The following TMPRSS11A variants were observed in gnomAD, a reference collection of about 807,000 sequenced individuals.
The protein encoded by TMPRSS11A is transmembrane serine protease 11A.
A neutral mutation model predicts 58.9 loss-of-function variants in TMPRSS11A; 53 were observed. The observed-to-expected ratio is 0.90, with a 90% CI of 0.72 to 1.13. The LOEUF is 1.13. TMPRSS11A is among the 50% of genes most tolerant of loss of function. The pLI, the probability that TMPRSS11A is intolerant of heterozygous loss-of-function variation, is 0.00. For missense variants in TMPRSS11A, 493 were observed against 499.3 expected (o/e 0.99, Z 0.12); for synonymous variants, 167 against 169.8 (o/e 0.98, Z 0.13).
chr4:67,918,762 A>C (rs970126334), intron 8 of TMPRSS11A, among the ~76,000 whole-genome samples: 6 of 152,164 alleles, frequency 3.9e-5, no homozygotes, highest in African/African-American at 1.4e-4. Context: ...TGACTTCCAA[A>C]TTACATGAGC....
intron 4 of TMPRSS11A, among the ~76,000 whole-genome samples, chr4:67,931,526 T>G (rs534389013): frequency 6.6e-6 from 1 of 152,294 alleles, no homozygotes; most frequent in Admixed American, 6.5e-5. Flanking sequence ...CAGGAATATC[T>G]TTTTGTTTAG....
chr4:67,940,586 G>A (rs1201149902), intron 3 of TMPRSS11A, among the ~76,000 whole-genome samples: 3 of 152,096 alleles, frequency 2.0e-5, no homozygotes, highest in African/African-American at 4.8e-5. Context: ...TGGTTGTAAT[G>A]TTACCTCTAT....
At chr4:67,962,868 C>T (rs1385479329) in intron 1 of TMPRSS11A, among the ~76,000 whole-genome samples, 5 of 152,154 alleles carry the variant, frequency 3.3e-5, no homozygotes, top group African/African-American at 1.2e-4. Context: ...AGCTTGTTTT[C>T]TCATTCTCCC....
At position 67,914,679 on chromosome 4, in the gene TMPRSS11A, T is replaced by A; in HGVS notation, c.1004A>T (p.Asp335Val). 6.2e-7 allele frequency: 1 copy of A among 1,613,456 alleles called. No homozygotes were observed. The highest frequency in any genetic ancestry group is 1.1e-5 in the South Asian group (1 of 90,984). The change falls in exon 9 of 10, where the codon GAT becomes GTT. Residue 335 changes from aspartate (D) to valine (V), a missense_variant. Physicochemically the swap from Asp to Val is radical, Grantham distance 152 (BLOSUM62 -3). Transcript: ENST00000508048. ...REARVKIISD[D>V]VCKQPQVYGN... ...ATACACCTGTGGTTGCTTGCAGACATCATCACTTATGATTTTCACTCTGGC... is the reference window on the plus strand; with the variant it reads ...ATACACCTGTGGTTGCTTGCAGACAACATCACTTATGATTTTCACTCTGGC...
intron 8 of TMPRSS11A, among the ~76,000 whole-genome samples, chr4:67,918,063 T>C (rs1266394802): frequency 6.6e-6 from 1 of 152,250 alleles, no homozygotes; most frequent in African/African-American, 2.4e-5. Flanking sequence ...AGGTTATTCC[T>C]AGTTCCTTAA....
chr4:67,944,380 C>T, intron 3 of TMPRSS11A, 139 bp downstream of exon 3: 2 of 956,544 alleles, frequency 2.1e-6, no homozygotes, highest in South Asian at 1.7e-5. Context: ...TTAAGCAGGT[C>T]TGGGATGGGG....
intron 2 of TMPRSS11A, among the ~76,000 whole-genome samples, 161 bp from the exon 3 acceptor site, chr4:67,944,798 G>C (rs1003764847): frequency 1.3e-5 from 2 of 151,892 alleles, no homozygotes; most frequent in Non-Finnish European, 2.9e-5. Flanking sequence ...AATTATAATA[G>C]CTGCCATTTA....
chr4:67,946,310 G>A (rs1720999449), intron 2 of TMPRSS11A, 140 bp downstream of exon 2: 2 of 766,328 alleles, frequency 2.6e-6, no homozygotes, highest in African/African-American at 3.6e-5. Context: ...TTGATGAAAT[G>A]ACTGAAACAG....
intron 7 of TMPRSS11A, among the ~76,000 whole-genome samples, chr4:67,920,230 C>T (rs1463584178): frequency 6.6e-6 from 1 of 151,990 alleles, no homozygotes; most frequent in Admixed American, 6.6e-5. Flanking sequence ...GTGTTTTATA[C>T]TTAAGGAAAA....
At chr4:67,953,131 G>A (rs1256866068) in intron 1 of TMPRSS11A, among the ~76,000 whole-genome samples, 2 of 152,254 alleles carry the variant, frequency 1.3e-5, no homozygotes, top group East Asian at 3.9e-4. Context: ...TGCCTCTGCT[G>A]ATCTAACAGG....
chr4:67,930,847 T>G (rs1720599171), intron 4 of TMPRSS11A, among the ~76,000 whole-genome samples: 1 of 83,250 alleles, frequency 1.2e-5, no homozygotes, highest in Non-Finnish European at 2.2e-5. Context: ...AAAAAAAAAC[T>G]GTGAAAAACT....
At chr4:67,937,343 CA>C (rs1720777594) in intron 3 of TMPRSS11A, among the ~76,000 whole-genome samples, 1 of 151,970 alleles carries the variant, frequency 6.6e-6, no homozygotes, top group Non-Finnish European at 1.5e-5. Flanking sequence ...CCTTCCTCAC[CA>C]AAAACTGATA....
intron 4 of TMPRSS11A, among the ~76,000 whole-genome samples, chr4:67,930,443 A>G (rs1720584110): frequency 6.6e-6 from 1 of 152,078 alleles, no homozygotes; most frequent in African/African-American, 2.4e-5. Flanking sequence ...AGTAAGTTTA[A>G]TTTTCTAAAG....
intron 1 of TMPRSS11A, among the ~76,000 whole-genome samples, chr4:67,954,656 A>G (rs141077374): frequency 1.3e-5 from 2 of 152,354 alleles, no homozygotes; most frequent in African/African-American, 4.8e-5. Flanking sequence ...ATGATAGAGC[A>G]TAGTCACATA....
rs747498851 is a variant in TMPRSS11A, at chr4:67,914,625, C to T, written c.1058G>A (p.Cys353Tyr). The T allele has an allele frequency of 1.4e-5, 23 of 1,613,712 alleles. No homozygotes were observed. In the South Asian group the frequency reaches 2.3e-4, roughly 16 times the overall value. ...ATAAATTCCTTCCATATATCCGGCA[C>T]AGAACATTCCAGGTTTTATATCATT... ...YGNDIKPGMFCAGYMEGIYDA... is the reference protein window; with the variant it reads ...YGNDIKPGMFYAGYMEGIYDA... Residue 353 changes from cysteine to tyrosine, a missense_variant, in exon 9 of 10, where the codon TGT becomes TAT. Transcript: ENST00000508048.
At chr4:67,927,361 C>A (rs377645110) in intron 5 of TMPRSS11A, among the ~76,000 whole-genome samples, 14 of 152,336 alleles carry the variant, frequency 9.2e-5, no homozygotes, top group Admixed American at 7.8e-4. Flanking sequence ...GGTGCCACCA[C>A]ATTCCCAGGT....
In TMPRSS11A at chr4:67,961,515, T is replaced by C. The variant is rs959684294; in HGVS notation, c.11+1868A>G. On this transcript the variant is annotated intron_variant, in intron 1 of 9. Transcript: ENST00000508048. ...TTTTTTTTTTTTTTTTTTTTTTTTT[T>C]TTTTTTTTTTTTTTGAGACAGAGTC... 3.0e-3 allele frequency among the ~76,000 whole-genome samples: 53 copies of C among 17,858 alleles called. 3 individuals carry two copies. Among genetic ancestry groups the C allele is most frequent in the Middle Eastern group, 0.029 (1 of 34 alleles). The allele number at this position is 17,858 out of a possible 152,430, so 11.7% of individuals were successfully genotyped here.
intron 6 of TMPRSS11A, 56 bp downstream of exon 6, chr4:67,924,072 A>G: frequency 6.9e-7 from 1 of 1,446,660 alleles, no homozygotes; most frequent in South Asian, 1.1e-5. Context: ...AAATATTTGA[A>G]AATGTCCTTT....
intron 1 of TMPRSS11A, among the ~76,000 whole-genome samples, chr4:67,950,582 G>T (rs1389579351): frequency 6.6e-6 from 1 of 152,088 alleles, no homozygotes; most frequent in Non-Finnish European, 1.5e-5. Context: ...TGAATAATTG[G>T]GATAAAGTCT....
Sources: allele counts gnomAD v4.1 joint callset (sites outside exome capture counted in the v4.1 genomes callset), GRCh38; gene constraint gnomAD v4.1.1; transcripts MANE v1.5; gene names NCBI Gene and HGNC (gene_info 2026-07-23, HGNC 2026-07-21).